USF2: variants seen among roughly 807,000 people sequenced by gnomAD.
USF2 encodes the protein upstream transcription factor 2, c-fos interacting, also known as upstream stimulatory factor 2.
USF2 carries 16 observed loss-of-function variants against 46.9 expected under a neutral mutation model. The observed-to-expected ratio is 0.34, with a 90% CI of 0.23 to 0.52. USF2 has a LOEUF of 0.52. Ranked by LOEUF, USF2 falls within the 20% of genes least tolerant of loss-of-function variation. The pLI is 0.96. For synonymous variants in USF2, 239 were observed against 194.1 expected (o/e 1.23, Z -1.92); for missense variants, 411 against 474.0 (o/e 0.87, Z 1.23).
chr19:35,273,798 C>G (rs10421504), intron 7 of USF2, among the ~76,000 whole-genome samples: 25,670 of 152,086 alleles, frequency 0.17, 2,522 homozygotes, highest in Middle Eastern at 0.22. Context: ...TCAGGCAGTC[C>G]TCCGGCCTCG....
rs369000224 is a variant in USF2 at position 35,276,503 on chromosome 19, T to A, written c.728-2195T>A. Among the ~76,000 whole-genome samples, 45 of 152,326 alleles carry A rather than the reference T, an allele frequency of 3.0e-4. No individual in the cohort carries two copies. The East Asian group carries it at 4.0e-3, about 14-fold the overall frequency. The stretch of plus-strand genomic sequence containing the variant: ...CAGGCTGGACAGCATTACCGCCTGC[T>A]AATGTCAGGGCCTGGATTCAAGGGC... On this transcript the variant is annotated intron_variant, in intron 7 of 9. Transcript: ENST00000222305.
chr19:35,276,855 G>A (rs2066240867), intron 7 of USF2: 1 of 152,308 alleles, frequency 6.6e-6, no homozygotes, highest in South Asian at 2.1e-4. Flanking sequence ...CCACAGTGGT[G>A]CTGCGAGTGC....
At chr19:35,274,429 C>G (rs1599629391) in intron 7 of USF2, among the ~76,000 whole-genome samples, 1 of 152,196 alleles carries the variant, frequency 6.6e-6, no homozygotes, top group South Asian at 2.1e-4. Context: ...ACTGCAGGAG[C>G]TTATCCCAGA....
At chr19:35,269,230 C>T (rs1162341508) in intron 1 of USF2, 67 bp downstream of exon 1, 4 of 963,786 alleles carry the variant, frequency 4.2e-6, no homozygotes, top group East Asian at 1.2e-4. Context: ...GCCTGCAGGC[C>T]GGGGCCGCCA....
At chr19:35,278,845 C>T in intron 8 of USF2, 53 bp downstream of exon 8, 1 of 1,610,748 alleles carries the variant, frequency 6.2e-7, no homozygotes, top group Non-Finnish European at 8.5e-7. Context: ...CCGACCCTTG[C>T]ATGCAGAAAG....
At chr19:35,276,315 ACCCT>A (rs1177752693) in intron 7 of USF2, among the ~76,000 whole-genome samples, 1 of 151,690 alleles carries the variant, frequency 6.6e-6, no homozygotes, top group Non-Finnish European at 1.5e-5. Flanking sequence ...CATGTGATCC[ACCCT>A]CCCAAAGTGC....
Position 35,269,648 on chromosome 19 carries a change from C to T in USF2, c.177C>T (p.Phe59=). 1.9e-6 allele frequency: 3 copies of T among 1,597,956 alleles called. No homozygotes were observed. Among genetic ancestry groups the T allele is most frequent in the Admixed American group, 1.7e-5 (1 of 58,902 alleles). ...TCACCAGCGTCCAGCAGGCGGCGTT[C>T]GGCGACCACAACATCCAGTACCAGT... ...VAITSVQQAA[F]GDHNIQYQFR... The change falls in exon 3 of 10, where the codon TTC becomes TTT. Residue 59 remains phenylalanine, a synonymous_variant. Coordinates refer to ENST00000222305, the MANE Select transcript of USF2 (RefSeq NM_003367.4).
chr19:35,270,226 G>A (rs919483332), intron 4 of USF2: 8 of 889,472 alleles, frequency 9.0e-6, no homozygotes, highest in African/African-American at 3.4e-5. Context: ...GTCTTAAGAG[G>A]AAAGTTTCTT....
rs1205308840 is a variant in USF2, at chr19:35,269,669, C to T, written c.198C>T (p.Tyr66=). The T allele has an allele frequency of 3.8e-6, 6 of 1,589,516 alleles. No homozygotes were observed. The South Asian group carries it at 6.8e-5, about 18-fold the overall frequency. ...QAAFGDHNIQ[Y]QFRTETNGGQ... is the part of the protein sequence containing the mutation. The stretch of plus-strand genomic sequence containing the variant: ...CGTTCGGCGACCACAACATCCAGTA[C>T]CAGTTCCGCACAGAGACAAATGGAG... Residue 66 remains tyrosine, a synonymous_variant, in exon 3 of 10, where the codon TAC becomes TAT. Coordinates refer to ENST00000222305, the MANE Select transcript of USF2 (RefSeq NM_003367.4).
intron 7 of USF2, among the ~76,000 whole-genome samples, chr19:35,271,551 G>C (rs545268458): frequency 2.5e-4 from 38 of 152,322 alleles, no homozygotes; most frequent in African/African-American, 8.7e-4. Flanking sequence ...AAGTAGGTCT[G>C]TTCCCCCAGG....
At chr19:35,269,546 G>T in intron 2 of USF2, 35 bp from the exon 3 acceptor site, 1 of 1,558,016 alleles carries the variant, frequency 6.4e-7, no homozygotes, top group Non-Finnish European at 8.7e-7. Context: ...CGCTCGGCGC[G>T]GCCCTGACCG....
chr19:35,279,427 C>T lies in USF2; in HGVS notation c.*171C>T, dbSNP rs2066280857. ...TGCATTTCTGTGGATACAGTGCCCA[C>T]CGCCCTCCTCCACTTGGAAACGGTA... On this transcript the variant is annotated 3_prime_UTR_variant, in exon 10 of 10. Coordinates refer to ENST00000222305, the MANE Select transcript of USF2 (RefSeq NM_003367.4). The T allele has an allele frequency of 1.5e-6, 1 of 684,996 alleles. No homozygotes were observed. Among genetic ancestry groups the T allele is most frequent in the South Asian group, 2.4e-5 (1 of 41,094 alleles). 42.4% of individuals were successfully genotyped at this position (684,996 alleles called of 1,614,324 possible). A position where few individuals can be genotyped will look rare whatever the true frequency, so the allele number is the denominator to read the frequency against.
Position 35,273,253 on chromosome 19 carries a change from C to T in USF2, c.727+2112C>T, listed in dbSNP as rs561351180. On this transcript the variant is annotated intron_variant, in intron 7 of 9. Coordinates refer to ENST00000222305, the MANE Select transcript of USF2 (RefSeq NM_003367.4). ...CATCTGGCTCATGGCTCTACCAAAACAGCTCCACTTCCGGTCACCCGTGGT... is the reference window on the plus strand; with the variant it reads ...CATCTGGCTCATGGCTCTACCAAAATAGCTCCACTTCCGGTCACCCGTGGT... 3.4e-4 allele frequency among the ~76,000 whole-genome samples: 52 copies of T among 152,318 alleles called. No individual in the cohort carries two copies. The South Asian group carries it at 4.8e-3, about 14-fold the overall frequency.
chr19:35,272,178 G>C (rs144362243), intron 7 of USF2, among the ~76,000 whole-genome samples: 1 of 152,242 alleles, frequency 6.6e-6, no homozygotes, highest in East Asian at 1.9e-4. Flanking sequence ...CCCCTTTTGC[G>C]TCCTCAGATA....
intron 7 of USF2, among the ~76,000 whole-genome samples, chr19:35,273,716 TG>T (rs927900527): frequency 2.6e-5 from 4 of 151,672 alleles, no homozygotes; most frequent in African/African-American, 9.7e-5. Flanking sequence ...CGTCATCACA[TG>T]GGGTAATTTT....
intron 4 of USF2, 189 bp downstream of exon 4, chr19:35,270,192 T>C (rs1226674478): frequency 1.1e-6 from 1 of 922,006 alleles, no homozygotes; most frequent in African/African-American, 1.7e-5. Context: ...GGAATTTTTT[T>C]TTCCCGCAAA....
In USF2 at chr19:35,279,269, C is replaced by CCGCG; in HGVS notation, c.*14_*15insGCGC. On this transcript the variant is annotated 3_prime_UTR_variant, in exon 10 of 10. Transcript: ENST00000222305. ...CACCCGGCAGTGACGCCCGCCACCA[C>CCGCG]CACGCAGCCGCCGCCGCCCACGCCG... is the stretch of plus-strand genomic sequence containing the variant. The CCGCG allele has an allele frequency of 3.3e-6, 5 of 1,505,234 alleles. No homozygotes were observed. Among genetic ancestry groups the CCGCG allele is most frequent in the Non-Finnish European group, 4.4e-6 (5 of 1,125,778 alleles). The allele number at this position is 1,505,234 out of a possible 1,614,324, so 93.2% of individuals were successfully genotyped here.
At chr19:35,278,570 C>T (rs1360947399) in intron 7 of USF2, 128 bp from the exon 8 acceptor site, 4 of 965,356 alleles carry the variant, frequency 4.1e-6, no homozygotes, top group Non-Finnish European at 6.3e-6. Flanking sequence ...CCTCACTTCC[C>T]AGGGCTGTGG....
At chr19:35,270,857 G>A (rs1284409834) in intron 6 of USF2, 52 bp downstream of exon 6, 2 of 1,605,614 alleles carry the variant, frequency 1.2e-6, no homozygotes, top group East Asian at 2.2e-5. Flanking sequence ...AAGGAAGAGG[G>A]GTTTCTGGAG....
Sources: gnomAD v4.1 joint callset for allele counts (sites outside exome capture counted in the v4.1 genomes callset) on GRCh38, gnomAD v4.1.1 for gene constraint, MANE v1.5 for transcripts, NCBI Gene and HGNC (gene_info 2026-07-23, HGNC 2026-07-21) for gene names.